Variants in STXBP5L observed in about 807,000 individuals in gnomAD.
STXBP5L encodes syntaxin-binding protein 5-like.
Under a neutral mutation model 144.5 loss-of-function variants are expected in STXBP5L, and 65 were observed. That is an observed-to-expected ratio of 0.45 (90% CI 0.37 to 0.55). The LOEUF (loss-of-function observed/expected upper bound fraction) is 0.55, where lower values mean the gene tolerates loss of function less well. STXBP5L is among the 20% of genes least tolerant of loss of function. STXBP5L has a pLI of 0.00. For synonymous variants in STXBP5L, 505 were observed against 469.6 expected (o/e 1.08, Z -0.97); for missense variants, 1,298 against 1,405.5 (o/e 0.92, Z 1.22).
chr3:120,992,087 C>T (rs1405825544), intron 3 of STXBP5L, among the ~76,000 whole-genome samples: 2 of 152,176 alleles, frequency 1.3e-5, no homozygotes, highest in Non-Finnish European at 2.9e-5. Flanking sequence ...TTGTAGAGAA[C>T]ATTTTTTTGG....
Position 121,250,235 on chromosome 3 carries a change from C to T in STXBP5L, c.1401-488C>T, listed in dbSNP as rs1178493846. ...GTGTTGGGAAGTATTTTATCTTCTTCTATTTTCTCGATGAGTTTTTATAGA... is the reference window on the plus strand; with the variant it reads ...GTGTTGGGAAGTATTTTATCTTCTTTTATTTTCTCGATGAGTTTTTATAGA... On this transcript the variant is annotated intron_variant, in intron 14 of 26. Transcript: ENST00000471454. 4.0e-5 allele frequency among the ~76,000 whole-genome samples: 6 copies of T among 151,754 alleles called. No individual in the cohort carries two copies. The East Asian group carries it at 9.6e-4, about 24-fold the overall frequency.
intron 6 of STXBP5L, among the ~76,000 whole-genome samples, chr3:121,117,290 T>C (rs2044273786): frequency 6.6e-6 from 1 of 151,820 alleles, no homozygotes; most frequent in Non-Finnish European, 1.5e-5. Context: ...TTTTATCGAG[T>C]TGTACATGCC....
intron 22 of STXBP5L, among the ~76,000 whole-genome samples, chr3:121,398,939 G>A (rs374610098): frequency 4.6e-5 from 7 of 152,040 alleles, no homozygotes; most frequent in Non-Finnish European, 7.4e-5. Context: ...GTGGTCGCTC[G>A]AGGCACTGCT....
At chr3:121,319,254 TGATA>T (rs2043891030) in intron 20 of STXBP5L, among the ~76,000 whole-genome samples, 1 of 152,166 alleles carries the variant, frequency 6.6e-6, no homozygotes, top group Non-Finnish European at 1.5e-5. Context: ...CTTTACTGAA[TGATA>T]GATCTGTTCT....
intron 20 of STXBP5L, among the ~76,000 whole-genome samples, chr3:121,369,019 A>G (rs1254884637): frequency 6.6e-6 from 1 of 152,146 alleles, no homozygotes; most frequent in African/African-American, 2.4e-5. Flanking sequence ...AATGATCAGG[A>G]CACAAATCCC....
intron 3 of STXBP5L, among the ~76,000 whole-genome samples, chr3:120,959,795 A>G (rs1170822685): frequency 6.6e-6 from 1 of 152,238 alleles, no homozygotes; most frequent in East Asian, 1.9e-4. Flanking sequence ...CTAAAACCAT[A>G]AAAACCCTAG....
rs1450530070 is a variant in STXBP5L, at chr3:121,422,114, ACACC to A, written c.*3018_*3021del. ...CCTTAGCACGCACGCACACACACAC[ACACC>A]ATCGCCACCACTACCATCATCATCT... On this transcript the variant is annotated 3_prime_UTR_variant, in exon 27 of 27. Coordinates refer to ENST00000471454, the MANE Select transcript of STXBP5L (RefSeq NM_001308330.2). 1 of 152,316 alleles carries A rather than the reference ACACC, an allele frequency of 6.6e-6. No individual in the cohort carries two copies. The highest frequency in any genetic ancestry group is 1.9e-4 in the East Asian group (1 of 5,198). 9.4% of individuals were successfully genotyped at this position (152,316 alleles called of 1,614,324 possible).
intron 19 of STXBP5L, among the ~76,000 whole-genome samples, chr3:121,313,350 C>T (rs536132436): frequency 0.023 from 3,166 of 134,750 alleles, 86 homozygotes; most frequent in Middle Eastern, 0.04. Context: ...GGGGCTGACC[C>T]CCCACCTCCC....
chr3:121,051,103 C>A (rs1225531342), intron 5 of STXBP5L, among the ~76,000 whole-genome samples: 3 of 152,286 alleles, frequency 2.0e-5, no homozygotes, highest in Non-Finnish European at 2.9e-5. Flanking sequence ...GAGTGACCTA[C>A]AAAGAGACTT....
At chr3:121,338,161 C>T (rs1280157754) in intron 20 of STXBP5L, among the ~76,000 whole-genome samples, 1 of 151,960 alleles carries the variant, frequency 6.6e-6, no homozygotes, top group Non-Finnish European at 1.5e-5. Flanking sequence ...GAAGCAAGAA[C>T]AAACCAAACC....
At chr3:121,210,642 T>C (rs908955274) in intron 10 of STXBP5L, among the ~76,000 whole-genome samples, 1 of 152,232 alleles carries the variant, frequency 6.6e-6, no homozygotes, top group African/African-American at 2.4e-5. Context: ...TTCAGGTTTC[T>C]ACATATGGCT....
At chr3:121,140,267 C>T (rs1577049111) in intron 7 of STXBP5L, among the ~76,000 whole-genome samples, 1 of 152,092 alleles carries the variant, frequency 6.6e-6, no homozygotes, top group Non-Finnish European at 1.5e-5. Flanking sequence ...ATAATAAGTA[C>T]TGGTGAACAT....
At chr3:121,028,967 T>C (rs941898044) in intron 3 of STXBP5L, among the ~76,000 whole-genome samples, 2 of 152,058 alleles carry the variant, frequency 1.3e-5, no homozygotes, top group Admixed American at 6.6e-5. Flanking sequence ...GAATACAACA[T>C]ACAAGGGATG....
chr3:121,168,562 G>A (rs2046584303), intron 9 of STXBP5L, among the ~76,000 whole-genome samples: 1 of 152,122 alleles, frequency 6.6e-6, no homozygotes, highest in Non-Finnish European at 1.5e-5. Context: ...ATCAATAGCT[G>A]AACTGATCAA....
intron 11 of STXBP5L, among the ~76,000 whole-genome samples, chr3:121,232,217 G>A (rs2049332422): frequency 6.6e-6 from 1 of 152,050 alleles, no homozygotes; most frequent in Non-Finnish European, 1.5e-5. Context: ...TCCCAGTCAA[G>A]TTCCTAGTCA....
At chr3:121,082,001 A>C (rs898572353) in intron 5 of STXBP5L, among the ~76,000 whole-genome samples, 2 of 152,178 alleles carry the variant, frequency 1.3e-5, no homozygotes, top group Non-Finnish European at 2.9e-5. Context: ...CCAATACCAC[A>C]CTTTTAAAAT....
chr3:121,051,580 C>T (rs972091858), intron 5 of STXBP5L, among the ~76,000 whole-genome samples: 1 of 152,042 alleles, frequency 6.6e-6, no homozygotes, highest in Non-Finnish European at 1.5e-5. Context: ...GGGACACATT[C>T]AAAGCAGTGT....
At chr3:121,311,962 C>G (rs1034307659) in intron 19 of STXBP5L, among the ~76,000 whole-genome samples, 3 of 152,118 alleles carry the variant, frequency 2.0e-5, no homozygotes, top group African/African-American at 7.2e-5. Flanking sequence ...GCTAGAGTAA[C>G]CAAAACAGCA....
chr3:121,372,507 C>G (rs951879161), intron 20 of STXBP5L, among the ~76,000 whole-genome samples: 1 of 152,182 alleles, frequency 6.6e-6, no homozygotes, highest in Non-Finnish European at 1.5e-5. Flanking sequence ...GGGGTCTCCT[C>G]CTGCTGGGAT....
Sources: gnomAD v4.1 joint callset for allele counts (sites outside exome capture counted in the v4.1 genomes callset) on GRCh38, gnomAD v4.1.1 for gene constraint, MANE v1.5 for transcripts, NCBI Gene and HGNC (gene_info 2026-07-23, HGNC 2026-07-21) for gene names.